The following ANXA1 variants were observed in gnomAD, a reference collection of about 807,000 sequenced individuals.
ANXA1 encodes the protein annexin I (lipocortin I).
A neutral mutation model predicts 47.9 loss-of-function variants in ANXA1; 39 were observed. The ratio of observed to expected loss-of-function variants is 0.81; its 90% CI spans 0.63 to 1.06. The LOEUF (loss-of-function observed/expected upper bound fraction) is 1.06, where lower values mean the gene tolerates loss of function less well. Among genes scored for constraint, ANXA1 ranks in the 50% least tolerant of loss-of-function variants. ANXA1 has a pLI of 0.00. For synonymous variants in ANXA1, 146 were observed against 142.5 expected, an observed-to-expected ratio of 1.02 and a Z score of -0.17; for missense variants, 446 against 422.7, an observed-to-expected ratio of 1.06 and a Z score of -0.48.
intron 11 of ANXA1, 186 bp downstream of exon 11, chr9:73,167,741 T>C (rs1824257418): frequency 1.7e-5 from 9 of 545,056 alleles, no homozygotes; most frequent in Non-Finnish European, 2.5e-5. Flanking sequence ...TTCGGTGCTT[T>C]TTTTTACAGA....
chr9:73,168,822 C>A, intron 11 of ANXA1: 1 of 420,352 alleles, frequency 2.4e-6, no homozygotes, highest in Non-Finnish European at 4.2e-6. Context: ...TGACAGCTCT[C>A]TATACCTACC....
chr9:73,161,240 A>G (rs1415952503), intron 6 of ANXA1, among the ~76,000 whole-genome samples: 1 of 152,066 alleles, frequency 6.6e-6, no homozygotes, highest in African/African-American at 2.4e-5. Flanking sequence ...TCTGGAATGT[A>G]TTTTATAAAA....
At chr9:73,156,558 G>C (rs188383419) in intron 1 of ANXA1, among the ~76,000 whole-genome samples, 1 of 152,182 alleles carries the variant, frequency 6.6e-6, no homozygotes, top group African/African-American at 2.4e-5. Flanking sequence ...ATAGTAATAA[G>C]AGCAATCCCA....
At chr9:73,158,631 A>G in intron 2 of ANXA1, 30 bp downstream of exon 2, 1 of 1,609,642 alleles carries the variant, frequency 6.2e-7, no homozygotes, top group Non-Finnish European at 8.5e-7. Context: ...AATTATGATT[A>G]CAATATTGAA....
At chr9:73,153,454 T>G (rs563949155) in intron 1 of ANXA1, among the ~76,000 whole-genome samples, 1 of 152,346 alleles carries the variant, frequency 6.6e-6, no homozygotes, top group East Asian at 1.9e-4. Context: ...TATAATGCCT[T>G]CCTTCATTAT....
At position 73,159,375 on chromosome 9, in the gene ANXA1, T is replaced by G. The variant is rs758013277; in HGVS notation, c.222T>G (p.Asn74Lys). The change falls in exon 4 of 13, where the codon AAT (asparagine) becomes AAG (lysine). Residue 74 changes from asparagine (N) to lysine (K), a missense_variant. Asn to Lys is a moderately conservative substitution (Grantham distance 94). Coordinates refer to ENST00000257497, the MANE Select transcript of ANXA1 (RefSeq NM_000700.3). ...TIIDILTKRNNAQRQQIKAAY... is the reference protein window; with the variant it reads ...TIIDILTKRNKAQRQQIKAAY... The stretch of plus-strand genomic sequence containing the variant: ...TTGACATTCTAACTAAGCGAAACAA[T>G]GCACAGCGTCAACAGATCAAAGCAG... 1.2e-6 allele frequency: 2 copies of G among 1,613,336 alleles called. No homozygotes were observed. The highest frequency in any genetic ancestry group is 2.2e-5 in the South Asian group (2 of 91,056).
intron 1 of ANXA1, among the ~76,000 whole-genome samples, chr9:73,154,781 C>T (rs1203372098): frequency 6.6e-6 from 1 of 152,174 alleles, no homozygotes; most frequent in Non-Finnish European, 1.5e-5. Context: ...GGATTTATGT[C>T]TCCATTCTTG....
At position 73,156,154 on chromosome 9, in the gene ANXA1, T is replaced by C. The variant is rs376202078; in HGVS notation, c.-14-2368T>C. Among the ~76,000 whole-genome samples the C allele has an allele frequency of 3.1e-5, 3 of 95,522 alleles. No individual in the cohort carries two copies. The East Asian group carries it at 9.0e-4, about 29-fold the overall frequency. The allele number at this position is 95,522 out of a possible 152,430, so 62.7% of individuals were successfully genotyped here. A position where few individuals can be genotyped will look rare whatever the true frequency, so the allele number is the denominator to read the frequency against. On this transcript the variant is annotated intron_variant, in intron 1 of 12. Coordinates refer to ENST00000257497, the MANE Select transcript of ANXA1 (RefSeq NM_000700.3). Reference sequence around the variant, plus strand: ...AAATAATAATAATAAATAATATAAATAAATAAATAAATAAATAAAATAAAT... The same window carrying C: ...AAATAATAATAATAAATAATATAAACAAATAAATAAATAAATAAAATAAAT...
At chr9:73,161,569 G>A (rs1824143529) in intron 6 of ANXA1, among the ~76,000 whole-genome samples, 1 of 151,958 alleles carries the variant, frequency 6.6e-6, no homozygotes, top group Non-Finnish European at 1.5e-5. Flanking sequence ...TGGCTTTTTG[G>A]CTTTCCCAAT....
At position 73,170,058 on chromosome 9, in the gene ANXA1, C is replaced by G. The variant is rs569599724; in HGVS notation, c.992C>G (p.Thr331Ser). 1 of 1,605,884 alleles carries G rather than the reference C, an allele frequency of 6.2e-7. No homozygotes were observed. The highest frequency in any genetic ancestry group is 2.2e-5 in the East Asian group (1 of 44,550). ...CTTTTTTTGAATCAACAGGATGAAACCAAAGGAGATTATGAGAAAATCCTG... is the reference window on the plus strand; with the variant it reads ...CTTTTTTTGAATCAACAGGATGAAAGCAAAGGAGATTATGAGAAAATCCTG... ...ISLCQAILDE[T>S]KGDYEKILVA... Residue 331 changes from threonine (T) to serine (S), a missense_variant, in exon 13 of 13, where the codon ACC becomes AGC. Thr to Ser is a moderately conservative substitution (Grantham distance 58). Coordinates refer to ENST00000257497, the MANE Select transcript of ANXA1 (RefSeq NM_000700.3).
At chr9:73,156,713 A>G (rs1432760753) in intron 1 of ANXA1, among the ~76,000 whole-genome samples, 3 of 152,192 alleles carry the variant, frequency 2.0e-5, no homozygotes, top group Non-Finnish European at 4.4e-5. Flanking sequence ...AGTTTATGGA[A>G]TCAGTTTATG....
chr9:73,160,418 T>A, intron 5 of ANXA1, 42 bp downstream of exon 5: 10 of 1,371,880 alleles, frequency 7.3e-6, no homozygotes, highest in Non-Finnish European at 9.9e-6. Context: ...CTCAAGAGGA[T>A]GTATTGGGCA....
chr9:73,167,491 T>TAGA lies in ANXA1; in HGVS notation c.803-5_803-4insGAA, dbSNP rs1824251190. ...ATACATCAACTAAAATTTTCTTCTC[T>TAGA]AACAGTGAAGTGCGCCACAAGCAAA... is the stretch of plus-strand genomic sequence containing the variant. On this transcript the variant is annotated splice_polypyrimidine_tract_variant and splice_region_variant and intron_variant, in intron 10 of 12. Transcript: ENST00000257497. 3.1e-6 allele frequency: 5 copies of TAGA among 1,612,262 alleles called. No homozygotes were observed. In the African/African-American group the frequency reaches 5.3e-5, roughly 17 times the overall value.
chr9:73,156,241 A>G (rs1476844173), intron 1 of ANXA1, among the ~76,000 whole-genome samples: 1 of 151,772 alleles, frequency 6.6e-6, no homozygotes, highest in Non-Finnish European at 1.5e-5. Context: ...ATGAATTTTA[A>G]CACTCATTTT....
At position 73,166,318 on chromosome 9, in the gene ANXA1, C is replaced by A. The variant is rs78864270; in HGVS notation, c.802+126C>A. On this transcript the variant is annotated intron_variant, in intron 10 of 12. Coordinates refer to ENST00000257497, the MANE Select transcript of ANXA1 (RefSeq NM_000700.3). ...AAACAAAAAACAATCAGAAGTAGTG[C>A]ATCTGTTTCAATTGAAGCAACGTAA... The A allele has an allele frequency of 2.5e-3, 1,624 of 653,032 alleles. 23 individuals carry two copies. Among genetic ancestry groups the A allele is most frequent in the Admixed American group, 0.024 (747 of 31,648 alleles). The allele number at this position is 653,032 out of a possible 1,614,324, so 40.5% of individuals were successfully genotyped here. A position where few individuals can be genotyped will look rare whatever the true frequency, so the allele number is the denominator to read the frequency against.
rs974881240 is a variant in ANXA1 at position 73,151,891 on chromosome 9, C to A, written c.-48C>A. The stretch of plus-strand genomic sequence containing the variant: ...GTGTGAAATCTTCAGAGAAGAATTT[C>A]TCTTTAGTTCTTTGCAAGAAGGTAG... On this transcript the variant is annotated 5_prime_UTR_variant, in exon 1 of 13. Transcript: ENST00000257497. 6.6e-6 allele frequency: 1 copy of A among 152,152 alleles called. No homozygotes were observed. The highest frequency in any genetic ancestry group is 2.4e-5 in the African/African-American group (1 of 41,416). The allele number at this position is 152,152 out of a possible 1,614,324, so 9.4% of individuals were successfully genotyped here. A position where few individuals can be genotyped will look rare whatever the true frequency, so the allele number is the denominator to read the frequency against.
In ANXA1 at chr9:73,166,203, CA is replaced by C; in HGVS notation, c.802+12del. ...GCCTCACAGCTATCGGTATGTAGTCCAGCAGTTGAAAGAGTTTTCTAACTAG... is the reference window on the plus strand; with the variant it reads ...GCCTCACAGCTATCGGTATGTAGTCCGCAGTTGAAAGAGTTTTCTAACTAG... On this transcript the variant is annotated intron_variant, in intron 10 of 12. Transcript: ENST00000257497. 2 of 1,588,534 alleles carry C rather than the reference CA, an allele frequency of 1.3e-6. No individual in the cohort carries two copies. The highest frequency in any genetic ancestry group is 1.7e-6 in the Non-Finnish European group (2 of 1,163,774).
In ANXA1 at chr9:73,170,246, T is replaced by C. The variant is rs1824301398; in HGVS notation, c.*139T>C. ...GCTGAAAAATATAGCCTTTAAATCA[T>C]TTTTATATTATAACTCTGTATAATA... On this transcript the variant is annotated 3_prime_UTR_variant, in exon 13 of 13. Coordinates refer to ENST00000257497, the MANE Select transcript of ANXA1 (RefSeq NM_000700.3). 1.7e-6 allele frequency: 1 copy of C among 572,116 alleles called. No individual in the cohort carries two copies. Among genetic ancestry groups the C allele is most frequent in the Non-Finnish European group, 2.9e-6 (1 of 342,612 alleles). The allele number at this position is 572,116 out of a possible 1,614,324, so 35.4% of individuals were successfully genotyped here. A position where few individuals can be genotyped will look rare whatever the true frequency, so the allele number is the denominator to read the frequency against.
chr9:73,159,254 T>C, intron 3 of ANXA1, 75 bp from the exon 4 acceptor site: 1 of 1,171,550 alleles, frequency 8.5e-7, no homozygotes, highest in Non-Finnish European at 1.3e-6. Context: ...TTGGAGCATC[T>C]CAGTAATGAA....
Sources: allele counts gnomAD v4.1 joint callset (sites outside exome capture counted in the v4.1 genomes callset), GRCh38; gene constraint gnomAD v4.1.1; transcripts MANE v1.5; gene names NCBI Gene and HGNC (gene_info 2026-07-23, HGNC 2026-07-21).